PLEKHA7: variants seen among roughly 807,000 people sequenced by gnomAD.
The protein encoded by PLEKHA7 is pleckstrin homology domain containing A7.
Under a neutral mutation model 170.0 loss-of-function variants are expected in PLEKHA7, and 104 were observed. The ratio of observed to expected loss-of-function variants is 0.61; its 90% CI spans 0.52 to 0.72. The LOEUF is 0.72. PLEKHA7 is among the 30% of genes least tolerant of loss of function. The probability of loss-of-function intolerance (pLI) is 0.00; values close to 1 mark genes in which losing one functional copy is unlikely to be tolerated. For synonymous variants in PLEKHA7, 648 were observed against 660.8 expected, an observed-to-expected ratio of 0.98 and a Z score of 0.30; for missense variants, 1,615 against 1,671.7, an observed-to-expected ratio of 0.97 and a Z score of 0.59.
chr11:16,866,557 A>C (rs1441293050), intron 4 of PLEKHA7, among the ~76,000 whole-genome samples: 1 of 151,770 alleles, frequency 6.6e-6, no homozygotes, highest in South Asian at 2.1e-4. Context: ...GCACCATTGC[A>C]CTCTAGCCTG....
intron 9 of PLEKHA7, among the ~76,000 whole-genome samples, chr11:16,839,032 A>C (rs1564990811): frequency 1.3e-5 from 2 of 152,204 alleles, no homozygotes; most frequent in African/African-American, 2.4e-5. Flanking sequence ...ATTAAAATTA[A>C]AAATGTATTA....
chr11:16,854,741 T>C (rs562379558), intron 6 of PLEKHA7, 148 bp downstream of exon 6: 131 of 657,106 alleles, frequency 2.0e-4, no homozygotes, highest in Non-Finnish European at 3.0e-4. Flanking sequence ...CGGCAAATAA[T>C]GCAGTGCAGC....
chr11:16,985,043 A>G (rs1863644510), intron 3 of PLEKHA7, among the ~76,000 whole-genome samples: 2 of 152,224 alleles, frequency 1.3e-5, no homozygotes, highest in Non-Finnish European at 2.9e-5. Context: ...ATCCTATACC[A>G]TAAGTGTCTT....
At chr11:16,882,152 G>T (rs952278368) in intron 3 of PLEKHA7, among the ~76,000 whole-genome samples, 4 of 152,132 alleles carry the variant, frequency 2.6e-5, no homozygotes, top group African/African-American at 7.2e-5. Flanking sequence ...CACATAGTAG[G>T]TATTCCACAA....
chr11:16,784,249 T>C (rs186464508), intron 24 of PLEKHA7, among the ~76,000 whole-genome samples: 1 of 152,324 alleles, frequency 6.6e-6, no homozygotes, highest in Non-Finnish European at 1.5e-5. Flanking sequence ...TTCCTTTTGT[T>C]CCCTTGACTC....
At chr11:16,985,575 C>T (rs77927539) in intron 3 of PLEKHA7, among the ~76,000 whole-genome samples, 12,348 of 152,098 alleles carry the variant, frequency 0.081, 925 homozygotes, top group African/African-American at 0.18. Flanking sequence ...GCTAGACAGC[C>T]TAAGAGGGGC....
At chr11:16,809,529 C>T (rs1849218666) in intron 13 of PLEKHA7, among the ~76,000 whole-genome samples, 1 of 152,208 alleles carries the variant, frequency 6.6e-6, no homozygotes, top group Non-Finnish European at 1.5e-5. Flanking sequence ...CTGTGCTTAT[C>T]TCCATTTCCA....
intron 4 of PLEKHA7, 91 bp from the exon 5 acceptor site, chr11:16,856,005 G>A: frequency 8.9e-7 from 1 of 1,121,574 alleles, no homozygotes; most frequent in Non-Finnish European, 1.3e-6. Flanking sequence ...ATCGGTTGTT[G>A]GGCCTTAGAA....
chr11:17,009,724 C>T (rs2137122280), intron 3 of PLEKHA7, among the ~76,000 whole-genome samples: 1 of 152,158 alleles, frequency 6.6e-6, no homozygotes, highest in South Asian at 2.1e-4. Context: ...TAAACTCAGA[C>T]TCCTGGGCTC....
At chr11:16,838,413 T>G (rs1052971878) in intron 9 of PLEKHA7, among the ~76,000 whole-genome samples, 20 of 151,344 alleles carry the variant, frequency 1.3e-4, no homozygotes, top group African/African-American at 4.6e-4. Flanking sequence ...CTAGGGAGGC[T>G]GACATGGGAG....
rs975356868 is a variant in PLEKHA7, at chr11:16,777,848, G to A, written c.*1150C>T. The A allele has an allele frequency of 2.0e-5, 3 of 152,224 alleles. No homozygotes were observed. Among genetic ancestry groups the A allele is most frequent in the African/African-American group, 7.2e-5 (3 of 41,446 alleles). The allele number at this position is 152,224 out of a possible 1,614,324, so 9.4% of individuals were successfully genotyped here. ...GGGTTCTCCAAGGGCAGGCAGCAAA[G>A]GTTCCCATCATGGCCTGGTTAGAGG... On this transcript the variant is annotated 3_prime_UTR_variant, in exon 27 of 27. Coordinates refer to ENST00000531066, the MANE Select transcript of PLEKHA7 (RefSeq NM_001329630.2).
At chr11:16,924,554 G>C (rs4757445) in intron 3 of PLEKHA7, among the ~76,000 whole-genome samples, 1 of 152,142 alleles carries the variant, frequency 6.6e-6, no homozygotes, top group Non-Finnish European at 1.5e-5. Context: ...GAGGGGTACA[G>C]ACGGGTTCTA....
chr11:17,001,821 A>G (rs938437828), intron 3 of PLEKHA7, among the ~76,000 whole-genome samples: 41 of 152,074 alleles, frequency 2.7e-4, no homozygotes, highest in African/African-American at 9.9e-4. Context: ...AGAGGTAGCC[A>G]GCAGCCCCAG....
In PLEKHA7 at chr11:16,895,623, A is replaced by C. The variant is rs187396225; in HGVS notation, c.222-24441T>G. On this transcript the variant is annotated intron_variant, in intron 3 of 26. Coordinates refer to ENST00000531066, the MANE Select transcript of PLEKHA7 (RefSeq NM_001329630.2). ...CCTCCCTGCAATTCCTCAAGTGTCT[A>C]TTAATCAGTGAACCAAGAACACAGA... 1.7e-3 allele frequency among the ~76,000 whole-genome samples: 265 copies of C among 152,342 alleles called. 1 individual carries two copies. Among genetic ancestry groups the C allele is most frequent in the Non-Finnish European group, 3.5e-3 (235 of 68,038 alleles).
chr11:16,932,602 T>C (rs1413227454), intron 3 of PLEKHA7, among the ~76,000 whole-genome samples: 2 of 152,174 alleles, frequency 1.3e-5, no homozygotes, highest in African/African-American at 2.4e-5. Flanking sequence ...TAATAAACAT[T>C]TATTTTCAGG....
chr11:16,864,735 C>T (rs1854250034), intron 4 of PLEKHA7, among the ~76,000 whole-genome samples: 1 of 152,206 alleles, frequency 6.6e-6, no homozygotes, highest in African/African-American at 2.4e-5. Context: ...TTGCCTTCCG[C>T]CATGATTGTG....
At chr11:16,873,656 T>C (rs1855046180) in intron 3 of PLEKHA7, among the ~76,000 whole-genome samples, 1 of 152,236 alleles carries the variant, frequency 6.6e-6, no homozygotes, top group Non-Finnish European at 1.5e-5. Context: ...TTAGGCTTTA[T>C]TTACACCCAG....
At chr11:16,848,770 T>C (rs1852674731) in intron 8 of PLEKHA7, among the ~76,000 whole-genome samples, 1 of 152,152 alleles carries the variant, frequency 6.6e-6, no homozygotes, top group Admixed American at 6.5e-5. Context: ...CAGTTAAAGG[T>C]TAAAGAGTAG....
intron 4 of PLEKHA7, among the ~76,000 whole-genome samples, chr11:16,860,735 G>A (rs952286550): frequency 6.6e-6 from 1 of 152,192 alleles, no homozygotes; most frequent in African/African-American, 2.4e-5. Context: ...CAAGGTCTGA[G>A]AGAAGCAGGC....
Sources: gnomAD v4.1 joint callset for allele counts (sites outside exome capture counted in the v4.1 genomes callset) on GRCh38, gnomAD v4.1.1 for gene constraint, MANE v1.5 for transcripts, NCBI Gene and HGNC (gene_info 2026-07-23, HGNC 2026-07-21) for gene names.